Variants in KCNH4 observed in about 807,000 individuals in gnomAD.
KCNH4 encodes voltage-gated delayed rectifier potassium channel KCNH4.
A neutral mutation model predicts 90.7 loss-of-function variants in KCNH4; 33 were observed. That is an observed-to-expected ratio of 0.36 (90% CI 0.28 to 0.49). The LOEUF (loss-of-function observed/expected upper bound fraction) is 0.49. Ranked by LOEUF, KCNH4 falls within the 20% of genes least tolerant of loss-of-function variation. The pLI, the probability that KCNH4 is intolerant of heterozygous loss-of-function variation, is 0.98. For missense variants in KCNH4, 1,044 were observed against 1,387.1 expected (o/e 0.75, Z 3.93); for synonymous variants, 551 against 581.7 (o/e 0.95, Z 0.76).
At chr17:42,168,159 C>T (rs1251695594) in intron 9 of KCNH4, among the ~76,000 whole-genome samples, 1 of 152,172 alleles carries the variant, frequency 6.6e-6, no homozygotes, top group Non-Finnish European at 1.5e-5. Context: ...CAGCGCGGCA[C>T]TCTCTGTTCA....
intron 4 of KCNH4, among the ~76,000 whole-genome samples, chr17:42,176,801 G>C (rs2079865255): frequency 6.6e-6 from 1 of 151,970 alleles, no homozygotes; most frequent in African/African-American, 2.4e-5. Flanking sequence ...AGGATTACAG[G>C]TGTGAGCCAC....
At chr17:42,171,191 T>A (rs1239855013) in intron 7 of KCNH4, among the ~76,000 whole-genome samples, 2 of 151,310 alleles carry the variant, frequency 1.3e-5, no homozygotes, top group Non-Finnish European at 2.9e-5. Context: ...GGGAAATCAG[T>A]AGGGAGGCTA....
In KCNH4 at chr17:42,159,891, C is replaced by G. The variant is rs1415906846; in HGVS notation, c.*149G>C. 2 of 538,240 alleles carry G rather than the reference C, an allele frequency of 3.7e-6. No homozygotes were observed. The highest frequency in any genetic ancestry group is 6.2e-6 in the Non-Finnish European group (2 of 324,788). The allele number at this position is 538,240 out of a possible 1,614,324, so 33.3% of individuals were successfully genotyped here. ...GAAAAGGGAATAGCGTCAGAGGTAA[C>G]CACGCTTCATTAAAAAGTCCAGAAA... On this transcript the variant is annotated 3_prime_UTR_variant, in exon 16 of 17. Transcript: ENST00000264661.
intron 15 of KCNH4, among the ~76,000 whole-genome samples, chr17:42,160,957 T>G (rs1193319472): frequency 8.3e-6 from 1 of 120,546 alleles, no homozygotes; most frequent in African/African-American, 3.3e-5. Context: ...AGATGGAGTC[T>G]CACTCTGTTG....
At position 42,170,385 on chromosome 17, in the gene KCNH4, C is replaced by T. The variant is rs771603035; in HGVS notation, c.1196-84G>A. The T allele has an allele frequency of 2.2e-5, 26 of 1,195,678 alleles. No individual in the cohort carries two copies. In the South Asian group the frequency reaches 3.1e-4, roughly 14 times the overall value. 74.1% of individuals were successfully genotyped at this position (1,195,678 alleles called of 1,614,324 possible). On this transcript the variant is annotated intron_variant, in intron 7 of 16. Transcript: ENST00000264661. ...CCCTGAGCCACCTACGCTTGACCTT[C>T]GGCAAGTATTTATACACAGGTTGGC...
Position 42,163,410 on chromosome 17 carries a change from G to A in KCNH4, c.2478-76C>T. The A allele has an allele frequency of 9.0e-7, 1 of 1,108,176 alleles. No homozygotes were observed. The highest frequency in any genetic ancestry group is 1.3e-5 in the South Asian group (1 of 76,672). 68.6% of individuals were successfully genotyped at this position (1,108,176 alleles called of 1,614,324 possible). On this transcript the variant is annotated intron_variant, in intron 13 of 16. Transcript: ENST00000264661. This position sits in a 1 kb window ranked among gnomAD's most constrained non-coding sequence, Gnocchi z 5.4. ...GAGCAGAGCAGACAGAGGGGGACTGGGGGCAGCAGTGCCAGGGGGCGGAGC... is the reference window on the plus strand; with the variant it reads ...GAGCAGAGCAGACAGAGGGGGACTGAGGGCAGCAGTGCCAGGGGGCGGAGC...
intron 6 of KCNH4, among the ~76,000 whole-genome samples, chr17:42,172,277 A>G (rs1026309994): frequency 3.3e-5 from 5 of 150,170 alleles, no homozygotes; most frequent in African/African-American, 1.2e-4. Context: ...ATCTCAGCTC[A>G]CTGCAACCTC....
At chr17:42,161,339 G>A (rs577356116) in intron 15 of KCNH4, among the ~76,000 whole-genome samples, 7 of 152,278 alleles carry the variant, frequency 4.6e-5, no homozygotes, top group South Asian at 4.1e-4. Context: ...AGCCAGCCCC[G>A]CTCAGGCCCC....
rs2079893098 is a variant in KCNH4, at chr17:42,180,413, C to G, written c.76+457G>C. Among the ~76,000 whole-genome samples, 1 of 152,128 alleles carries G rather than the reference C, an allele frequency of 6.6e-6. No individual in the cohort carries two copies. Among genetic ancestry groups the G allele is most frequent in the Non-Finnish European group, 1.5e-5 (1 of 68,014 alleles). On this transcript the variant is annotated intron_variant, in intron 1 of 16. Coordinates refer to ENST00000264661, the MANE Select transcript of KCNH4 (RefSeq NM_012285.3). This position sits in a 1 kb window ranked among gnomAD's most constrained non-coding sequence, Gnocchi z 4.7. ...ACACTGACGCCCCACGATTTGGGGG[C>G]GCGCGACCTCAATCCAAACTAGGTC... is the stretch of plus-strand genomic sequence containing the variant.
intron 9 of KCNH4, among the ~76,000 whole-genome samples, chr17:42,166,929 C>T (rs2079792341): frequency 6.6e-6 from 1 of 152,170 alleles, no homozygotes; most frequent in South Asian, 2.1e-4. Flanking sequence ...GCCTCAGTAT[C>T]CCAGTCTGTA....
At chr17:42,161,971 T>TTTTTG in intron 15 of KCNH4, among the ~76,000 whole-genome samples, 2 of 151,154 alleles carry the variant, frequency 1.3e-5, no homozygotes, top group Non-Finnish European at 1.5e-5. Context: ...TTTTTTTTTT[T>TTTTTG]TCTGAGACAG....
rs2079789408 is a variant in KCNH4 at position 42,166,507 on chromosome 17, C to A, written c.1630G>T (p.Ala544Ser). Residue 544 changes from alanine to serine, a missense_variant, in exon 10 of 17, where the codon GCT becomes TCT. By Grantham distance (99) the Ala-to-Ser change is moderately conservative. Coordinates refer to ENST00000264661, the MANE Select transcript of KCNH4 (RefSeq NM_012285.3). ...DFPDELRADI[A>S]MHLNREILQL... Reference sequence around the variant, plus strand: ...AGGATCTCCCGATTCAGGTGCATAGCAATGTCAGCTCTCAGCTCGTCTGGG... The same window carrying A: ...AGGATCTCCCGATTCAGGTGCATAGAAATGTCAGCTCTCAGCTCGTCTGGG... The A allele has an allele frequency of 6.2e-7, 1 of 1,613,736 alleles. No homozygotes were observed. The highest frequency in any genetic ancestry group is 8.5e-7 in the Non-Finnish European group (1 of 1,179,674).
At chr17:42,170,081 C>T (rs368601875) in intron 8 of KCNH4, 26 bp downstream of exon 8, 5 of 1,566,562 alleles carry the variant, frequency 3.2e-6, no homozygotes, top group Non-Finnish European at 4.3e-6. Flanking sequence ...CAGGGCCCCA[C>T]TGAGGCGTGG....
chr17:42,159,533 G>A (rs781091717), intron 16 of KCNH4, among the ~76,000 whole-genome samples, 198 bp downstream of exon 16: 1 of 152,098 alleles, frequency 6.6e-6, no homozygotes, highest in Non-Finnish European at 1.5e-5. Context: ...CCCTCTCTAG[G>A]TAACATTGCT....
At position 42,180,810 on chromosome 17, in the gene KCNH4, G is replaced by T. The variant is rs573318570; in HGVS notation, c.76+60C>A. On this transcript the variant is annotated intron_variant, in intron 1 of 16. Transcript: ENST00000264661. The surrounding 1 kb of genome is among the most constrained non-coding windows in gnomAD (Gnocchi z 4.7). ...TCACCATGTCCAGGAGATCCGAGAC[G>T]GCCCCGAGGATACTTGCCCCCCAGC... The T allele has an allele frequency of 6.6e-6, 10 of 1,525,030 alleles. No homozygotes were observed. The African/African-American group carries it at 9.6e-5, about 15-fold the overall frequency. The allele number at this position is 1,525,030 out of a possible 1,614,324, so 94.5% of individuals were successfully genotyped here.
chr17:42,160,238 C>T lies in KCNH4; in HGVS notation c.2856G>A (p.Thr952=), dbSNP rs781508246. ...TGGCTGGGCAGTGAACTTCAGCAAG[C>T]GTAGTATCCTGGAGGCTGGGTGGTG... The part of the protein sequence containing the change: ...SRPPPSLQDT[T]LAEVHCPASV... The change falls in exon 16 of 17, where the codon ACG becomes ACA. Residue 952 remains threonine (T), a synonymous_variant. Coordinates refer to ENST00000264661, the MANE Select transcript of KCNH4 (RefSeq NM_012285.3). The T allele has an allele frequency of 1.2e-6, 2 of 1,614,062 alleles. No homozygotes were observed. The highest frequency in any genetic ancestry group is 1.7e-6 in the Non-Finnish European group (2 of 1,179,962).
In KCNH4 at chr17:42,175,582, G is replaced by A. The variant is rs769116605; in HGVS notation, c.984C>T (p.Thr328=). Residue 328 remains threonine (T), a synonymous_variant, in exon 6 of 17, where the codon ACC becomes ACT. Coordinates refer to ENST00000264661, the MANE Select transcript of KCNH4 (RefSeq NM_012285.3). ...TGGCGGGATGGAGGTCACTCACCAC[G>A]GTGATGTTGAAGATGTAAAGCAGGT... The part of the protein sequence containing the change: ...PFDLLYIFNI[T]VTSLVHLLKT... The A allele has an allele frequency of 5.0e-6, 8 of 1,614,064 alleles. No individual in the cohort carries two copies. In the African/African-American group the frequency reaches 6.7e-5, roughly 13 times the overall value.
In KCNH4 at chr17:42,169,575, A is replaced by C; in HGVS notation, c.1492T>G (p.Phe498Val). Reference sequence around the variant, plus strand: ...CGCGGCAGGCGGTGCACACGGATGAAGTCCTTGAGGTCCTTCATGCGGCTG... The same window carrying C: ...CGCGGCAGGCGGTGCACACGGATGACGTCCTTGAGGTCCTTCATGCGGCTG... ...YHSRMKDLKD[F>V]IRVHRLPRPL... The change falls in exon 9 of 17, where the codon TTC (phenylalanine) becomes GTC (valine). Residue 498 changes from phenylalanine (F) to valine (V), a missense_variant. By Grantham distance (50) the Phe-to-Val change is conservative. Coordinates refer to ENST00000264661, the MANE Select transcript of KCNH4 (RefSeq NM_012285.3). 6.2e-7 allele frequency: 1 copy of C among 1,613,952 alleles called. No homozygotes were observed. Among genetic ancestry groups the C allele is most frequent in the Non-Finnish European group, 8.5e-7 (1 of 1,180,010 alleles).
rs2079732567 is a variant in KCNH4 at position 42,159,790 on chromosome 17, G to A, written c.*250C>T. On this transcript the variant is annotated 3_prime_UTR_variant, in exon 16 of 17. Transcript: ENST00000264661. ...ATCTGCCCAGCCCAATGGGCACTGCGGTTCATCTCATGCCTGCTGGGTTCC... is the reference window on the plus strand; with the variant it reads ...ATCTGCCCAGCCCAATGGGCACTGCAGTTCATCTCATGCCTGCTGGGTTCC... 4 of 374,544 alleles carry A rather than the reference G, an allele frequency of 1.1e-5. No individual in the cohort carries two copies. Among genetic ancestry groups the A allele is most frequent in the Non-Finnish European group, 1.4e-5 (3 of 209,684 alleles). 23.2% of individuals were successfully genotyped at this position (374,544 alleles called of 1,614,324 possible).
Sources: allele counts gnomAD v4.1 joint callset (sites outside exome capture counted in the v4.1 genomes callset), GRCh38; gene constraint gnomAD v4.1.1; non-coding constraint Gnocchi (gnomAD v3.1); transcripts MANE v1.5; gene names NCBI Gene and HGNC (gene_info 2026-07-23, HGNC 2026-07-21).